Variants in MRPS33 observed in about 807,000 individuals in gnomAD.
The protein encoded by MRPS33 is small ribosomal subunit protein mS33.
A neutral mutation model predicts 11.2 loss-of-function variants in MRPS33; 11 were observed. That is an observed-to-expected ratio of 0.99 (90% CI 0.62 to 1.63). The LOEUF (loss-of-function observed/expected upper bound fraction) is 1.63, where lower values mean the gene tolerates loss of function less well. MRPS33 is among the 40% of genes most tolerant of loss of function. The pLI, the probability that MRPS33 is intolerant of heterozygous loss-of-function variation, is 0.00. For synonymous variants in MRPS33, 46 were observed against 44.0 expected, an observed-to-expected ratio of 1.05 and a Z score of -0.18; for missense variants, 109 against 127.8, an observed-to-expected ratio of 0.85 and a Z score of 0.71.
At chr7:141,008,286 A>T (rs1820584476) in intron 2 of MRPS33, among the ~76,000 whole-genome samples, 1 of 152,228 alleles carries the variant, frequency 6.6e-6, no homozygotes, top group South Asian at 2.1e-4. Flanking sequence ...CAGCAAAAAG[A>T]TCAATTAAAA....
At chr7:141,010,780 G>A (rs1377985871) in intron 1 of MRPS33, 120 bp from the exon 2 acceptor site, 1 of 726,830 alleles carries the variant, frequency 1.4e-6, no homozygotes, top group Non-Finnish European at 2.3e-6. Context: ...GTGTTGGCAG[G>A]ATATGCCTTG....
chr7:141,013,546 T>C (rs1225218998), intron 1 of MRPS33, among the ~76,000 whole-genome samples: 2 of 152,182 alleles, frequency 1.3e-5, no homozygotes, highest in African/African-American at 4.8e-5. Flanking sequence ...CACATGTCTC[T>C]CACGAAGAAT....
intron 2 of MRPS33, 161 bp downstream of exon 2, chr7:141,010,258 G>A: frequency 1.6e-6 from 1 of 636,638 alleles, no homozygotes; most frequent in Admixed American, 3.0e-5. Flanking sequence ...TCTCCATTAT[G>A]GGTATTTTGA....
Position 141,005,656 on chromosome 7 carries a change from T to G in MRPS33, c.*774A>C, listed in dbSNP as rs1820507475. The G allele has an allele frequency of 6.6e-6, 1 of 152,242 alleles. No individual in the cohort carries two copies. The highest frequency in any genetic ancestry group is 2.4e-5 in the African/African-American group (1 of 41,454). The allele number at this position is 152,242 out of a possible 1,614,324, so 9.4% of individuals were successfully genotyped here. ...TGAGCAACAGCGCCTGGCTTAAATATCATTTCTTTAGGGAAGCTTTCTTTA... is the reference window on the plus strand; with the variant it reads ...TGAGCAACAGCGCCTGGCTTAAATAGCATTTCTTTAGGGAAGCTTTCTTTA... On this transcript the variant is annotated 3_prime_UTR_variant, in exon 3 of 3. Transcript: ENST00000324787.
At chr7:141,014,597 C>T (rs912636362) in intron 1 of MRPS33, 2 of 152,186 alleles carry the variant, frequency 1.3e-5, no homozygotes, top group African/African-American at 4.8e-5. Context: ...AGCCCACCAC[C>T]CAAAGCTACA....
rs1716035920 is a variant in MRPS33 at position 141,005,389 on chromosome 7, C to CAACA, written c.*1040_*1041insTGTT. On this transcript the variant is annotated 3_prime_UTR_variant, in exon 3 of 3. Coordinates refer to ENST00000324787, the MANE Select transcript of MRPS33 (RefSeq NM_053035.3). ...TTTTTTTTTGAGATGTAGTCTTGCTCTGTTGCCAGGCTGGAGTGCAGTGGC... is the reference window on the plus strand; with the variant it reads ...TTTTTTTTTGAGATGTAGTCTTGCTCAACATGTTGCCAGGCTGGAGTGCAGTGGC... 1 of 151,774 alleles carries CAACA rather than the reference C, an allele frequency of 6.6e-6. No homozygotes were observed. Among genetic ancestry groups the CAACA allele is most frequent in the Non-Finnish European group, 1.5e-5 (1 of 67,958 alleles). The allele number at this position is 151,774 out of a possible 1,614,324, so 9.4% of individuals were successfully genotyped here.
At chr7:141,013,696 T>G (rs964154506) in intron 1 of MRPS33, among the ~76,000 whole-genome samples, 6 of 152,216 alleles carry the variant, frequency 3.9e-5, no homozygotes, top group Non-Finnish European at 1.5e-5. Context: ...ATGAAAAAAG[T>G]TAACTGGAGC....
intron 2 of MRPS33, among the ~76,000 whole-genome samples, chr7:141,007,917 A>AT (rs534031820): frequency 1.4e-4 from 22 of 151,840 alleles, no homozygotes; most frequent in East Asian, 7.8e-4. Flanking sequence ...TAATTTACTT[A>AT]TTTTTTTTCC....
chr7:141,006,403 G>T lies in MRPS33; in HGVS notation c.*27C>A, dbSNP rs1282549582. 5 of 1,581,664 alleles carry T rather than the reference G, an allele frequency of 3.2e-6. No homozygotes were observed. Among genetic ancestry groups the T allele is most frequent in the Non-Finnish European group, 3.5e-6 (4 of 1,154,380 alleles). ...CTTTCTTCTCTCCGCCACTGAGGAA[G>T]AAAGTCTCCCTCTTGAGGGACCAAC... On this transcript the variant is annotated 3_prime_UTR_variant, in exon 3 of 3. Transcript: ENST00000324787.
At position 141,005,302 on chromosome 7, in the gene MRPS33, T is replaced by C. The variant is rs751431887; in HGVS notation, c.*1128A>G. On this transcript the variant is annotated 3_prime_UTR_variant, in exon 3 of 3. Transcript: ENST00000324787. ...ATAGTACTCTCTGCCTCAAACCCCT[T>C]TCTCACCATTTTCCTTTTGGCAACC... 1 of 152,202 alleles carries C rather than the reference T, an allele frequency of 6.6e-6. No individual in the cohort carries two copies. The highest frequency in any genetic ancestry group is 1.5e-5 in the Non-Finnish European group (1 of 68,042). The allele number at this position is 152,202 out of a possible 1,614,324, so 9.4% of individuals were successfully genotyped here. A position where few individuals can be genotyped will look rare whatever the true frequency, so the allele number is the denominator to read the frequency against.
At chr7:141,008,800 A>AT (rs1202311024) in intron 2 of MRPS33, among the ~76,000 whole-genome samples, 4 of 111,672 alleles carry the variant, frequency 3.6e-5, no homozygotes, top group African/African-American at 6.0e-5. Context: ...TTAAAAAAAT[A>AT]ATTTTTTTTT....
At chr7:141,006,592 C>T in intron 2 of MRPS33, 57 bp from the exon 3 acceptor site, 1 of 1,414,336 alleles carries the variant, frequency 7.1e-7, no homozygotes, top group Middle Eastern at 1.8e-4. Flanking sequence ...GAAAAGTACA[C>T]TAATCTAGCA....
chr7:141,010,255 TATGGGTA>T (rs1435276733), intron 2 of MRPS33, 157 bp downstream of exon 2: 5 of 640,528 alleles, frequency 7.8e-6, no homozygotes, highest in Non-Finnish European at 1.3e-5. Context: ...GTCTCTCCAT[TATGGGTA>T]TTTTGAAAGA....
In MRPS33 at chr7:141,004,635, T is replaced by G. The variant is rs1341704937; in HGVS notation, c.*1795A>C. 1 of 152,232 alleles carries G rather than the reference T, an allele frequency of 6.6e-6. No individual in the cohort carries two copies. The highest frequency in any genetic ancestry group is 1.5e-5 in the Non-Finnish European group (1 of 68,048). 9.4% of individuals were successfully genotyped at this position (152,232 alleles called of 1,614,324 possible). Reference sequence around the variant, plus strand: ...TTTGAATATTGACACTATTGTACACTTAAATATGGTTAAGATCATTAATTT... The same window carrying G: ...TTTGAATATTGACACTATTGTACACGTAAATATGGTTAAGATCATTAATTT... On this transcript the variant is annotated 3_prime_UTR_variant, in exon 3 of 3. Coordinates refer to ENST00000324787, the MANE Select transcript of MRPS33 (RefSeq NM_053035.3).
chr7:141,006,395 C>T lies in MRPS33; in HGVS notation c.*35G>A, dbSNP rs777015754. On this transcript the variant is annotated 3_prime_UTR_variant, in exon 3 of 3. Transcript: ENST00000324787. ...TAAATGCACTTTCTTCTCTCCGCCA[C>T]TGAGGAAGAAAGTCTCCCTCTTGAG... 15 of 1,532,604 alleles carry T rather than the reference C, an allele frequency of 9.8e-6. No homozygotes were observed. Among genetic ancestry groups the T allele is most frequent in the Non-Finnish European group, 1.4e-5 (15 of 1,110,834 alleles). The allele number at this position is 1,532,604 out of a possible 1,614,324, so 94.9% of individuals were successfully genotyped here.
intron 1 of MRPS33, 39 bp from the exon 2 acceptor site, chr7:141,010,699 A>G: frequency 1.4e-6 from 2 of 1,421,372 alleles, no homozygotes; most frequent in Non-Finnish European, 2.0e-6. Context: ...GGTTAGGGTA[A>G]GAAATTCCAA....
At chr7:141,008,571 A>G (rs1366587775) in intron 2 of MRPS33, among the ~76,000 whole-genome samples, 9 of 152,214 alleles carry the variant, frequency 5.9e-5, no homozygotes, top group Admixed American at 5.2e-4. Flanking sequence ...TCCACTGGAT[A>G]GTGAATGTAC....
At chr7:141,010,361 C>G in intron 2 of MRPS33, 58 bp downstream of exon 2, 1 of 1,543,668 alleles carries the variant, frequency 6.5e-7, no homozygotes, top group Non-Finnish European at 8.8e-7. Context: ...AATTTTTTTC[C>G]TTTTCTGATC....
Position 141,006,120 on chromosome 7 carries a change from C to T in MRPS33, c.*310G>A, listed in dbSNP as rs964350519. ...AGGATGCTCACTTAATGAGGTTTCC[C>T]CTCCATTCCCCCAGCATCCCATCCC... On this transcript the variant is annotated 3_prime_UTR_variant, in exon 3 of 3. Transcript: ENST00000324787. The T allele has an allele frequency of 2.0e-5, 7 of 346,338 alleles. No individual in the cohort carries two copies. Among genetic ancestry groups the T allele is most frequent in the Admixed American group, 1.3e-4 (3 of 22,478 alleles). 21.5% of individuals were successfully genotyped at this position (346,338 alleles called of 1,614,324 possible).
Sources: gnomAD v4.1 joint callset for allele counts (sites outside exome capture counted in the v4.1 genomes callset) on GRCh38, gnomAD v4.1.1 for gene constraint, MANE v1.5 for transcripts, NCBI Gene and HGNC (gene_info 2026-07-23, HGNC 2026-07-21) for gene names.